Variants in SEMA4D observed in about 807,000 individuals in gnomAD.
The protein encoded by SEMA4D is semaphorin 4D, also known as semaphorin-4D.
Under a neutral mutation model 74.8 loss-of-function variants are expected in SEMA4D, and 22 were observed. That is an observed-to-expected ratio of 0.29 (90% CI 0.21 to 0.42). SEMA4D has a LOEUF of 0.42. Among genes scored for constraint, SEMA4D ranks in the 10% least tolerant of loss-of-function variants. The probability of loss-of-function intolerance (pLI) is 1.00; values close to 1 mark genes in which losing one functional copy is unlikely to be tolerated. For synonymous variants in SEMA4D, 445 were observed against 463.7 expected (o/e 0.96, Z 0.52); for missense variants, 937 against 1,118.4 (o/e 0.84, Z 2.31).
intron 4 of SEMA4D, among the ~76,000 whole-genome samples, chr9:89,402,181 G>A (rs1352237179): frequency 2.0e-5 from 3 of 152,152 alleles, no homozygotes; most frequent in East Asian, 1.9e-4. Flanking sequence ...TTTTAAATTC[G>A]GTTTGATTTT....
At chr9:89,480,957 G>C (rs1044373881) in intron 1 of SEMA4D, among the ~76,000 whole-genome samples, 1 of 152,228 alleles carries the variant, frequency 6.6e-6, no homozygotes, top group African/African-American at 2.4e-5. Flanking sequence ...GGGCTCTGAG[G>C]ACTGCTAGCA....
chr9:89,413,762 G>C (rs957819517), intron 2 of SEMA4D, among the ~76,000 whole-genome samples: 1 of 152,246 alleles, frequency 6.6e-6, no homozygotes, highest in African/African-American at 2.4e-5. Context: ...ATGTCTGCCT[G>C]TGTACATATA....
chr9:89,363,863 C>T, exon 17 of SEMA4D: 1 of 1,614,136 alleles, frequency 6.2e-7, no homozygotes, highest in Non-Finnish European at 8.5e-7. Context: ...ATGGGCCCTG[C>T]CATCGGGCAG....
intron 1 of SEMA4D, among the ~76,000 whole-genome samples, chr9:89,485,815 G>A (rs141968328): frequency 0.021 from 1,667 of 78,668 alleles, 3 homozygotes; most frequent in Middle Eastern, 0.044. Context: ...AAAAAAAAAA[G>A]AAAAAAAAAA....
chr9:89,471,607 T>G (rs1450044631), intron 1 of SEMA4D, among the ~76,000 whole-genome samples: 1 of 115,966 alleles, frequency 8.6e-6, no homozygotes, highest in African/African-American at 2.9e-5. Flanking sequence ...CCAGCTCAGG[T>G]GCACGCCAGC....
In SEMA4D at chr9:89,399,277, T is replaced by C. The variant is rs761410309; in HGVS notation, c.314A>G (p.Gln105Arg). 1 of 1,612,684 alleles carries C rather than the reference T, an allele frequency of 6.2e-7. No individual in the cohort carries two copies. Among genetic ancestry groups the C allele is most frequent in the East Asian group, 2.2e-5 (1 of 44,886 alleles). The change falls in exon 5 of 16, where the codon CAG becomes CGG. Residue 105 changes from glutamine to arginine, a missense_variant and splice_region_variant. Gln to Arg is a conservative substitution (Grantham distance 43). Coordinates refer to ENST00000422704, the MANE Select transcript of SEMA4D (RefSeq NM_001371194.2). ...AKCAEKGKSK[Q>R]TECLNYIRVL... The stretch of plus-strand genomic sequence containing the variant: ...TTGTAGCTTGCAAAAGAAATTTACC[T>C]GTTTTGATTTCCCCTTTTCTGCACA...
intron 13 of SEMA4D, among the ~76,000 whole-genome samples, chr9:89,382,947 C>T (rs1381780876): frequency 6.6e-6 from 1 of 152,192 alleles, no homozygotes; most frequent in Non-Finnish European, 1.5e-5. Context: ...CCACCTCCTG[C>T]ACCCTGCGGG....
rs1282259050 is a variant in SEMA4D, at chr9:89,404,297, C to T, written c.106+1054G>A. On this transcript the variant is annotated intron_variant, in intron 3 of 15. Transcript: ENST00000422704. ...ACGCTCAGTGGGGCGGGTGCTTTGG[C>T]AGCACGCCGCGAACATTACTAGGTA... is the stretch of plus-strand genomic sequence containing the variant. Among the ~76,000 whole-genome samples, 4 of 152,342 alleles carry T rather than the reference C, an allele frequency of 2.6e-5. No individual in the cohort carries two copies. In the South Asian group the frequency reaches 6.2e-4, roughly 24 times the overall value.
intron 13 of SEMA4D, chr9:89,384,544 C>T (rs895597580): frequency 1.9e-6 from 1 of 528,208 alleles, no homozygotes; most frequent in Non-Finnish European, 2.4e-6. Flanking sequence ...ATGAAAAGCA[C>T]CCTGCAGACA....
intron 1 of SEMA4D, among the ~76,000 whole-genome samples, chr9:89,479,020 C>T (rs1487667549): frequency 6.6e-6 from 1 of 152,202 alleles, no homozygotes; most frequent in African/African-American, 2.4e-5. Flanking sequence ...CCTTGGAAGG[C>T]CTGTCCCCTC....
chr9:89,402,829 C>A, intron 4 of SEMA4D, 42 bp downstream of exon 4: 2 of 1,589,626 alleles, frequency 1.3e-6, no homozygotes, highest in East Asian at 2.3e-5. Context: ...GCTGCCCACT[C>A]AAGCTGGGCT....
intron 8 of SEMA4D, 103 bp from the exon 9 acceptor site, chr9:89,391,518 C>A (rs1839870142): frequency 1.8e-6 from 2 of 1,139,852 alleles, no homozygotes; most frequent in Admixed American, 3.8e-5. Context: ...GGCCTGAGGG[C>A]TTCCCTGCAA....
intron 1 of SEMA4D, among the ~76,000 whole-genome samples, chr9:89,476,942 A>G (rs10908928): frequency 6.6e-6 from 1 of 152,008 alleles, no homozygotes; most frequent in Non-Finnish European, 1.5e-5. Flanking sequence ...GAGAGCCGAC[A>G]TATCTGACCC....
rs1161319495 is a variant in SEMA4D, at chr9:89,389,561, T to C, written c.775-514A>G. 5.3e-5 allele frequency among the ~76,000 whole-genome samples: 8 copies of C among 152,260 alleles called. No homozygotes were observed. The East Asian group carries it at 1.3e-3, about 26-fold the overall frequency. On this transcript the variant is annotated intron_variant, in intron 9 of 15. Coordinates refer to ENST00000422704, the MANE Select transcript of SEMA4D (RefSeq NM_001371194.2). ...AAAGGAATAGATCCTTCACTTCCTT[T>C]CTACCCAAAGTATCTGCTAAAGTGC...
rs1052876304 is a variant in SEMA4D, at chr9:89,388,919, G to T, written c.903C>A (p.Ser301=). 5.8e-5 allele frequency: 94 copies of T among 1,614,010 alleles called. No homozygotes were observed. The highest frequency in any genetic ancestry group is 7.2e-5 in the Non-Finnish European group (85 of 1,180,036). Residue 301 remains serine, a synonymous_variant, in exon 10 of 16, where the codon TCC becomes TCA. Transcript: ENST00000422704. ...AGAACACAGGCACCTTCAGGCCCGGGGACCTGAGCACGAAGACATCCCGCA... is the reference window on the plus strand; with the variant it reads ...AGAACACAGGCACCTTCAGGCCCGGTGACCTGAGCACGAAGACATCCCGCA... ...NVLRDVFVLR[S]PGLKVPVFYA...
chr9:89,466,953 C>G (rs1858888069), intron 1 of SEMA4D, among the ~76,000 whole-genome samples: 1 of 152,178 alleles, frequency 6.6e-6, no homozygotes, highest in African/African-American at 2.4e-5. Flanking sequence ...CAAAAAGGGC[C>G]CTGTTACTCT....
intron 1 of SEMA4D, among the ~76,000 whole-genome samples, chr9:89,467,537 T>G (rs1344511589): frequency 6.6e-6 from 1 of 151,230 alleles, no homozygotes; most frequent in Non-Finnish European, 1.5e-5. Flanking sequence ...CATGATTTTT[T>G]TTTTTTTTTT....
chr9:89,478,409 C>T (rs553702976), intron 1 of SEMA4D, among the ~76,000 whole-genome samples: 2 of 152,196 alleles, frequency 1.3e-5, no homozygotes, highest in East Asian at 1.9e-4. Context: ...AGAAGCAGGA[C>T]GGAGGCCCCC....
intron 1 of SEMA4D, among the ~76,000 whole-genome samples, chr9:89,465,061 A>C (rs1588089786): frequency 6.6e-6 from 1 of 152,230 alleles, no homozygotes. Flanking sequence ...CCAACCTGTC[A>C]GGGGCAAAGA....
Sources: gnomAD v4.1 joint callset for allele counts (sites outside exome capture counted in the v4.1 genomes callset) on GRCh38, gnomAD v4.1.1 for gene constraint, MANE v1.5 for transcripts, NCBI Gene and HGNC (gene_info 2026-07-23, HGNC 2026-07-21) for gene names.